Variants in CCBE1 observed in about 807,000 individuals in gnomAD.
CCBE1 encodes the protein collagen and calcium-binding EGF domain-containing protein 1.
Under a neutral mutation model 50.0 loss-of-function variants are expected in CCBE1, and 37 were observed. The ratio of observed to expected loss-of-function variants is 0.74; its 90% confidence interval spans 0.57 to 0.97. The LOEUF is 0.97. Ranked by LOEUF, CCBE1 falls within the 50% of genes least tolerant of loss-of-function variation. CCBE1 has a pLI of 0.00. For synonymous variants in CCBE1, 234 were observed against 203.7 expected (o/e 1.15, Z -1.27); for missense variants, 538 against 523.8 (o/e 1.03, Z -0.26).
intron 2 of CCBE1, among the ~76,000 whole-genome samples, chr18:59,564,463 GA>G (rs2144463094): frequency 6.6e-6 from 1 of 152,236 alleles, no homozygotes; most frequent in East Asian, 1.9e-4. Flanking sequence ...TTCATCATAT[GA>G]CTAGATCATG....
intron 2 of CCBE1, among the ~76,000 whole-genome samples, chr18:59,513,493 C>T (rs1023029940): frequency 2.6e-5 from 4 of 152,154 alleles, no homozygotes; most frequent in Middle Eastern, 3.2e-3. Flanking sequence ...TCTCAGGCTG[C>T]TCAGGCCTAA....
intron 2 of CCBE1, among the ~76,000 whole-genome samples, chr18:59,594,303 T>C (rs1475923900): frequency 6.6e-6 from 1 of 152,252 alleles, no homozygotes; most frequent in Non-Finnish European, 1.5e-5. Context: ...TGTAGAGATC[T>C]AATTACAATA....
intron 2 of CCBE1, among the ~76,000 whole-genome samples, chr18:59,505,257 A>G (rs1913817412): frequency 6.6e-6 from 1 of 152,198 alleles, no homozygotes; most frequent in Non-Finnish European, 1.5e-5. Flanking sequence ...CCTTTGCCAA[A>G]GGACCACATG....
intron 6 of CCBE1, among the ~76,000 whole-genome samples, chr18:59,453,073 A>T (rs1911017927): frequency 6.6e-6 from 1 of 152,232 alleles, no homozygotes; most frequent in Non-Finnish European, 1.5e-5. Flanking sequence ...CAAGGAGATT[A>T]AGGGAAAACC....
chr18:59,579,608 C>T (rs979082642), intron 2 of CCBE1, among the ~76,000 whole-genome samples: 1 of 152,170 alleles, frequency 6.6e-6, no homozygotes, highest in African/African-American at 2.4e-5. Flanking sequence ...AACGGTTCTA[C>T]ATCAGACAAC....
chr18:59,484,478 G>A (rs1912720147), intron 2 of CCBE1, among the ~76,000 whole-genome samples: 2 of 152,200 alleles, frequency 1.3e-5, no homozygotes, highest in South Asian at 4.1e-4. Context: ...CCACATCCAA[G>A]ACATTAAACT....
chr18:59,591,590 T>C (rs1599042142), intron 2 of CCBE1, among the ~76,000 whole-genome samples: 1 of 152,040 alleles, frequency 6.6e-6, no homozygotes, highest in African/African-American at 2.4e-5. Context: ...TGATCTTAAG[T>C]GTGTTAAGAG....
chr18:59,660,291 G>A (rs951093646), intron 2 of CCBE1, among the ~76,000 whole-genome samples: 1 of 152,050 alleles, frequency 6.6e-6, no homozygotes, highest in African/African-American at 2.4e-5. Context: ...GTAAGCAAAT[G>A]GTCATTTAGT....
intron 2 of CCBE1, among the ~76,000 whole-genome samples, chr18:59,619,788 C>T (rs1177364265): frequency 6.6e-6 from 1 of 152,042 alleles, no homozygotes; most frequent in Non-Finnish European, 1.5e-5. Flanking sequence ...TTTTTTTAAA[C>T]TCCTCTTGTT....
In CCBE1 at chr18:59,489,310, G is replaced by A. The variant is rs114200135; in HGVS notation, c.213-9072C>T. ...CATATCAGTGTGCTTCAGACCCACAGGGTCAATGTCCTCAGCAGACACAGA... is the reference window on the plus strand; with the variant it reads ...CATATCAGTGTGCTTCAGACCCACAAGGTCAATGTCCTCAGCAGACACAGA... On this transcript the variant is annotated intron_variant, in intron 2 of 10. Coordinates refer to ENST00000439986, the MANE Select transcript of CCBE1 (RefSeq NM_133459.4). 3.4e-3 allele frequency among the ~76,000 whole-genome samples: 519 copies of A among 152,344 alleles called. 10 individuals are homozygous for A. The highest frequency in any genetic ancestry group is 0.011 in the African/African-American group (456 of 41,578).
At chr18:59,451,037 C>G (rs903291300) in intron 6 of CCBE1, among the ~76,000 whole-genome samples, 40 of 152,158 alleles carry the variant, frequency 2.6e-4, no homozygotes, top group African/African-American at 7.2e-4. Flanking sequence ...ACTGTTGGCC[C>G]CACTTCATTT....
intron 2 of CCBE1, among the ~76,000 whole-genome samples, chr18:59,609,938 T>A (rs1047717633): frequency 1.3e-5 from 2 of 152,254 alleles, no homozygotes; most frequent in African/African-American, 4.8e-5. Context: ...GATGTTGGTT[T>A]ATTCATGCAA....
intron 2 of CCBE1, among the ~76,000 whole-genome samples, chr18:59,632,620 A>C (rs1464118475): frequency 7.0e-6 from 1 of 142,576 alleles, no homozygotes; most frequent in Non-Finnish European, 1.5e-5. Context: ...ATGGAGTCTT[A>C]CTCTATGGCC....
Position 59,435,372 on chromosome 18 carries a change from C to A in CCBE1, c.*536G>T. ...GACAAAGGGATACAATATTTAAAGT[C>A]TACTAGAAGCACAAGGAAAAAATTC... On this transcript the variant is annotated 3_prime_UTR_variant, in exon 11 of 11. Transcript: ENST00000439986. 1 of 163,458 alleles carries A rather than the reference C, an allele frequency of 6.1e-6. No individual in the cohort carries two copies. Among genetic ancestry groups the A allele is most frequent in the South Asian group, 1.7e-4 (1 of 5,988 alleles). The allele number at this position is 163,458 out of a possible 1,614,324, so 10.1% of individuals were successfully genotyped here. A position where few individuals can be genotyped will look rare whatever the true frequency, so the allele number is the denominator to read the frequency against.
At chr18:59,567,282 A>G (rs991841825) in intron 2 of CCBE1, among the ~76,000 whole-genome samples, 3 of 151,438 alleles carry the variant, frequency 2.0e-5, no homozygotes. Context: ...TACCCTACCC[A>G]CCACCATACC....
chr18:59,662,735 G>A (rs762896960), intron 2 of CCBE1, among the ~76,000 whole-genome samples: 17 of 152,202 alleles, frequency 1.1e-4, no homozygotes, highest in Non-Finnish European at 1.9e-4. Flanking sequence ...CATGCTGGCA[G>A]GCAGAATAGA....
chr18:59,466,326 G>C (rs1363298791), intron 5 of CCBE1, among the ~76,000 whole-genome samples: 1 of 151,782 alleles, frequency 6.6e-6, no homozygotes, highest in Non-Finnish European at 1.5e-5. Context: ...CAATACAAGG[G>C]GCAGTTCTCC....
chr18:59,443,758 C>T (rs1238263588), intron 7 of CCBE1, among the ~76,000 whole-genome samples: 2 of 152,186 alleles, frequency 1.3e-5, no homozygotes, highest in African/African-American at 2.4e-5. Flanking sequence ...GTGTGAGCCA[C>T]GGCCCCCAGC....
chr18:59,444,755 T>C (rs1388984911), intron 7 of CCBE1, among the ~76,000 whole-genome samples: 1 of 152,164 alleles, frequency 6.6e-6, no homozygotes, highest in Admixed American at 6.5e-5. Flanking sequence ...CTAATGGGTG[T>C]GGGATGGCAT....
Sources: gnomAD v4.1 joint callset for allele counts (sites outside exome capture counted in the v4.1 genomes callset) on GRCh38, gnomAD v4.1.1 for gene constraint, MANE v1.5 for transcripts, NCBI Gene and HGNC (gene_info 2026-07-23, HGNC 2026-07-21) for gene names.